The following MAGI1 variants were observed in gnomAD, a reference collection of about 807,000 sequenced individuals.
The protein encoded by MAGI1 is membrane-associated guanylate kinase, WW and PDZ domain-containing protein 1.
Under a neutral mutation model 139.9 loss-of-function variants are expected in MAGI1, and 58 were observed. That is an observed-to-expected ratio of 0.41 (90% CI 0.34 to 0.52). The LOEUF is 0.52. MAGI1 is among the 20% of genes least tolerant of loss of function. The pLI is 0.12. For synonymous variants in MAGI1, 812 were observed against 737.9 expected (o/e 1.10, Z -1.63); for missense variants, 1,874 against 1,901.6 (o/e 0.99, Z 0.27).
intron 1 of MAGI1, among the ~76,000 whole-genome samples, chr3:65,775,873 C>A (rs1559871027): frequency 6.6e-6 from 1 of 151,314 alleles, no homozygotes; most frequent in East Asian, 1.9e-4. Flanking sequence ...ACCTGGGAAG[C>A]TGAGGCTGCA....
At chr3:65,602,993 GA>G (rs1301271205) in intron 2 of MAGI1, among the ~76,000 whole-genome samples, 2 of 152,010 alleles carry the variant, frequency 1.3e-5, no homozygotes, top group Non-Finnish European at 2.9e-5. Context: ...AATCTAGACA[GA>G]ATGGTTCATT....
intron 1 of MAGI1, among the ~76,000 whole-genome samples, chr3:65,729,331 T>C (rs2033959314): frequency 6.6e-6 from 1 of 152,182 alleles, no homozygotes; most frequent in Admixed American, 6.5e-5. Context: ...ATTTCCTGGC[T>C]GAAAGTTCTC....
chr3:65,363,140 G>A (rs1271791403), intron 21 of MAGI1, among the ~76,000 whole-genome samples: 1 of 152,162 alleles, frequency 6.6e-6, no homozygotes, highest in Non-Finnish European at 1.5e-5. Context: ...CCTGTCAAGT[G>A]ATGTGCCTGC....
chr3:65,915,766 T>TA (rs1215374271), intron 1 of MAGI1, among the ~76,000 whole-genome samples: 3 of 152,082 alleles, frequency 2.0e-5, no homozygotes. Context: ...ATCAGGTAAC[T>TA]AATGGCATTT....
chr3:65,938,073 A>T (rs933795141), intron 1 of MAGI1, among the ~76,000 whole-genome samples: 10 of 152,054 alleles, frequency 6.6e-5, no homozygotes, highest in African/African-American at 2.4e-4. Flanking sequence ...CACTCTTCCT[A>T]TCAAATCCAA....
chr3:65,528,901 G>A (rs2107832923), intron 2 of MAGI1, among the ~76,000 whole-genome samples: 1 of 152,148 alleles, frequency 6.6e-6, no homozygotes, highest in African/African-American at 2.4e-5. Context: ...TTAAAAATTA[G>A]CCAAGCATTG....
intron 1 of MAGI1, among the ~76,000 whole-genome samples, chr3:65,924,250 A>C (rs2062382461): frequency 6.6e-6 from 1 of 152,238 alleles, no homozygotes; most frequent in Non-Finnish European, 1.5e-5. Flanking sequence ...TAGGATCACA[A>C]GCCCTATTCA....
At chr3:65,892,438 G>C (rs2060810084) in intron 1 of MAGI1, among the ~76,000 whole-genome samples, 1 of 152,162 alleles carries the variant, frequency 6.6e-6, no homozygotes, top group African/African-American at 2.4e-5. Flanking sequence ...AGCAGAATCA[G>C]ATTTTATTAA....
intron 1 of MAGI1, among the ~76,000 whole-genome samples, chr3:65,871,002 G>C (rs766253402): frequency 6.6e-6 from 1 of 151,972 alleles, no homozygotes; most frequent in Non-Finnish European, 1.5e-5. Flanking sequence ...GTAGTAGTGC[G>C]ATCACAGTTC....
rs1008050738 is a variant in MAGI1, at chr3:65,995,038, TAGAC to T, written c.313+42954_313+42957del. Among the ~76,000 whole-genome samples, 5 of 152,138 alleles carry T rather than the reference TAGAC, an allele frequency of 3.3e-5. No individual in the cohort carries two copies. In the East Asian group the frequency reaches 5.8e-4, roughly 18 times the overall value. On this transcript the variant is annotated intron_variant, in intron 1 of 22. Transcript: ENST00000402939. ...CTAAACCTGAGGGGCATGGAGTTCT[TAGAC>T]AGAAAGCTCCTCCATCCACATATAA...
intron 1 of MAGI1, chr3:65,688,576 T>C: frequency 3.1e-6 from 1 of 323,120 alleles, no homozygotes; most frequent in Non-Finnish European, 6.1e-6. Flanking sequence ...TTCCGTGGGG[T>C]AGGGAAGATA....
At chr3:65,779,529 A>G (rs2038759760) in intron 1 of MAGI1, among the ~76,000 whole-genome samples, 1 of 152,216 alleles carries the variant, frequency 6.6e-6, no homozygotes, top group Admixed American at 6.5e-5. Context: ...AAACTTTAGA[A>G]AGGTAAAGTT....
chr3:66,024,731 A>G (rs1406348260), intron 1 of MAGI1, among the ~76,000 whole-genome samples: 3 of 152,020 alleles, frequency 2.0e-5, no homozygotes, highest in Non-Finnish European at 1.5e-5. Flanking sequence ...GCCTGAACCC[A>G]GGAGGCGGAG....
chr3:65,910,024 C>G (rs2061593516), intron 1 of MAGI1, among the ~76,000 whole-genome samples: 1 of 152,166 alleles, frequency 6.6e-6, no homozygotes, highest in African/African-American at 2.4e-5. Flanking sequence ...CACCACTGAT[C>G]TGACAGGAGG....
At chr3:65,982,879 T>A (rs911618686) in intron 1 of MAGI1, among the ~76,000 whole-genome samples, 2 of 152,124 alleles carry the variant, frequency 1.3e-5, no homozygotes, top group African/African-American at 2.4e-5. Flanking sequence ...AAATATATAT[T>A]TTTGTTTGTT....
At chr3:65,414,582 C>T (rs1015360518) in intron 12 of MAGI1, among the ~76,000 whole-genome samples, 17 of 152,158 alleles carry the variant, frequency 1.1e-4, no homozygotes, top group African/African-American at 4.1e-4. Context: ...CTCCTGTGGG[C>T]CTTTCCCTAG....
chr3:65,848,516 T>C (rs932748104), intron 1 of MAGI1, among the ~76,000 whole-genome samples: 1 of 152,004 alleles, frequency 6.6e-6, no homozygotes, highest in African/African-American at 2.4e-5. Context: ...TGAAAATAAC[T>C]TGAGGCACAG....
chr3:65,473,615 T>C (rs1242380389), intron 4 of MAGI1, among the ~76,000 whole-genome samples: 1 of 124,418 alleles, frequency 8.0e-6, no homozygotes, highest in Non-Finnish European at 1.6e-5. Context: ...GCACTCAATT[T>C]AACGCTGAGT....
intron 2 of MAGI1, among the ~76,000 whole-genome samples, chr3:65,580,682 A>C (rs950809556): frequency 2.6e-5 from 4 of 152,222 alleles, no homozygotes; most frequent in Admixed American, 6.5e-5. Context: ...CAATAAAAAA[A>C]AATATGTGGC....
Sources: allele counts gnomAD v4.1 joint callset (sites outside exome capture counted in the v4.1 genomes callset), GRCh38; gene constraint gnomAD v4.1.1; transcripts MANE v1.5; gene names NCBI Gene and HGNC (gene_info 2026-07-23, HGNC 2026-07-21).